The following FRMD5 variants were observed in gnomAD, a reference collection of about 807,000 sequenced individuals.
The protein encoded by FRMD5 is FERM domain-containing protein 5.
A neutral mutation model predicts 69.0 loss-of-function variants in FRMD5; 20 were observed. The ratio of observed to expected loss-of-function variants is 0.29; its 90% CI spans 0.20 to 0.42. FRMD5 has a LOEUF of 0.42. FRMD5 is among the 10% of genes least tolerant of loss of function. The pLI is 1.00. For missense variants in FRMD5, 595 were observed against 708.6 expected, an observed-to-expected ratio of 0.84 and a Z score of 1.82; for synonymous variants, 271 against 260.1, an observed-to-expected ratio of 1.04 and a Z score of -0.40.
intron 1 of FRMD5, among the ~76,000 whole-genome samples, chr15:44,192,215 A>G (rs1438623579): frequency 3.3e-5 from 5 of 152,154 alleles, no homozygotes; most frequent in African/African-American, 1.2e-4. Context: ...TACATCCTAA[A>G]TGCCAGATCG....
chr15:44,146,485 G>C (rs2077358367), intron 1 of FRMD5, among the ~76,000 whole-genome samples: 1 of 152,282 alleles, frequency 6.6e-6, no homozygotes, highest in South Asian at 2.1e-4. Context: ...ATAACAGAAA[G>C]ATTTATATTC....
chr15:43,994,670 G>C (rs951143747), intron 1 of FRMD5, among the ~76,000 whole-genome samples: 2 of 152,180 alleles, frequency 1.3e-5, no homozygotes, highest in East Asian at 1.9e-4. Context: ...GACCTCAAGT[G>C]ATCTACCAAC....
rs535152878 is a variant in FRMD5 at position 44,009,147 on chromosome 15, G to A, written c.103-84838C>T. ...ATAAATGTTGAACAAATAAAAATAAGGAAATGAATAAAGAATGGATGAACA... is the reference window on the plus strand; with the variant it reads ...ATAAATGTTGAACAAATAAAAATAAAGAAATGAATAAAGAATGGATGAACA... On this transcript the variant is annotated intron_variant, in intron 1 of 13. Transcript: ENST00000417257. Among the ~76,000 whole-genome samples the A allele has an allele frequency of 2.6e-5, 4 of 152,268 alleles. No individual in the cohort carries two copies. The South Asian group carries it at 8.3e-4, about 32-fold the overall frequency.
chr15:43,977,036 G>A (rs927253396), intron 1 of FRMD5, among the ~76,000 whole-genome samples: 1 of 152,012 alleles, frequency 6.6e-6, no homozygotes, highest in Non-Finnish European at 1.5e-5. Flanking sequence ...GTTTCACCAT[G>A]TTAGCCAGTC....
At chr15:43,965,689 C>A (rs568362154) in intron 1 of FRMD5, among the ~76,000 whole-genome samples, 1 of 146,232 alleles carries the variant, frequency 6.8e-6, no homozygotes, top group East Asian at 2.1e-4. Context: ...TCAAGCGATT[C>A]TCCTGCCTCA....
intron 1 of FRMD5, among the ~76,000 whole-genome samples, chr15:44,121,988 CAAAAAAAAA>C (rs34129381): frequency 9.1e-4 from 64 of 70,018 alleles, no homozygotes; most frequent in African/African-American, 2.9e-3. Context: ...AAGGGAGACT[CAAAAAAAAA>C]AAAAAAAAAA....
intron 1 of FRMD5, among the ~76,000 whole-genome samples, chr15:44,169,218 C>T (rs1208504047): frequency 6.6e-6 from 1 of 152,072 alleles, no homozygotes; most frequent in Non-Finnish European, 1.5e-5. Flanking sequence ...AGGCTTTTGT[C>T]GCCTTTTCTT....
intron 1 of FRMD5, among the ~76,000 whole-genome samples, chr15:44,017,690 C>G (rs1891030649): frequency 6.6e-6 from 1 of 150,826 alleles, no homozygotes; most frequent in South Asian, 2.1e-4. Context: ...ACTGCAAGCT[C>G]CGTCTCCCGG....
At chr15:44,075,098 T>C (rs898339009) in intron 1 of FRMD5, among the ~76,000 whole-genome samples, 9 of 152,310 alleles carry the variant, frequency 5.9e-5, no homozygotes, top group African/African-American at 2.2e-4. Flanking sequence ...CTGAATAGTA[T>C]AAAATAGAAC....
At chr15:44,119,909 C>T (rs898907873) in intron 1 of FRMD5, among the ~76,000 whole-genome samples, 1 of 151,856 alleles carries the variant, frequency 6.6e-6, no homozygotes, top group Non-Finnish European at 1.5e-5. Context: ...AAAATACTTA[C>T]TGAATAAATG....
intron 1 of FRMD5, among the ~76,000 whole-genome samples, chr15:43,991,995 A>G (rs1889706763): frequency 6.6e-6 from 1 of 152,246 alleles, no homozygotes; most frequent in Non-Finnish European, 1.5e-5. Flanking sequence ...AGAGAAACAG[A>G]AACTCTTTAA....
At chr15:44,119,413 A>G (rs971039170) in intron 1 of FRMD5, among the ~76,000 whole-genome samples, 6 of 152,212 alleles carry the variant, frequency 3.9e-5, no homozygotes, top group African/African-American at 1.4e-4. Flanking sequence ...ACTACCCACC[A>G]TAACTTAACT....
chr15:43,907,040 G>A (rs949681889), intron 5 of FRMD5, among the ~76,000 whole-genome samples: 2 of 152,100 alleles, frequency 1.3e-5, no homozygotes, highest in African/African-American at 4.8e-5. Flanking sequence ...GAAGACCCAC[G>A]GTACTTTCCA....
intron 1 of FRMD5, among the ~76,000 whole-genome samples, chr15:43,994,514 C>G (rs1889831832): frequency 6.6e-6 from 1 of 152,092 alleles, no homozygotes; most frequent in Non-Finnish European, 1.5e-5. Context: ...TGGTGCAATA[C>G]TGGCCTCCCA....
chr15:43,910,909 A>G (rs1229050405), intron 4 of FRMD5, among the ~76,000 whole-genome samples: 2 of 152,278 alleles, frequency 1.3e-5, no homozygotes, highest in Non-Finnish European at 2.9e-5. Flanking sequence ...TGAAAGAGCC[A>G]GGATTCAACT....
In FRMD5 at chr15:44,114,692, C is replaced by T. The variant is rs76994582; in HGVS notation, c.102+80261G>A. On this transcript the variant is annotated intron_variant, in intron 1 of 13. Transcript: ENST00000417257. ...AAGTTGAAAATCACAGAATTATATACACTTTTAAAAAGAAAGAAATCTGAT... is the reference window on the plus strand; with the variant it reads ...AAGTTGAAAATCACAGAATTATATATACTTTTAAAAAGAAAGAAATCTGAT... 7.3e-3 allele frequency among the ~76,000 whole-genome samples: 1,119 copies of T among 152,260 alleles called. 14 individuals are homozygous for T. Among genetic ancestry groups the T allele is most frequent in the African/African-American group, 0.026 (1,076 of 41,548 alleles).
intron 1 of FRMD5, among the ~76,000 whole-genome samples, chr15:44,136,455 T>C (rs181540916): frequency 6.6e-6 from 1 of 152,356 alleles, no homozygotes; most frequent in East Asian, 1.9e-4. Context: ...AAGGACTTTA[T>C]TTCTCTAGGC....
chr15:44,102,356 G>A (rs1261010516), intron 1 of FRMD5, among the ~76,000 whole-genome samples: 1 of 152,232 alleles, frequency 6.6e-6, no homozygotes. Context: ...GGAAGGAGTT[G>A]TCAGGAATAT....
intron 1 of FRMD5, among the ~76,000 whole-genome samples, chr15:44,124,112 C>T (rs2076992972): frequency 6.6e-6 from 1 of 152,002 alleles, no homozygotes; most frequent in Non-Finnish European, 1.5e-5. Context: ...CCTGCCTCAG[C>T]CTCCCAAGTA....
Sources: gnomAD v4.1 joint callset for allele counts (sites outside exome capture counted in the v4.1 genomes callset) on GRCh38, gnomAD v4.1.1 for gene constraint, MANE v1.5 for transcripts, NCBI Gene and HGNC (gene_info 2026-07-23, HGNC 2026-07-21) for gene names.